DOCK7: variants seen among roughly 807,000 people sequenced by gnomAD.
DOCK7 encodes the protein dedicator of cytokinesis protein 7.
DOCK7 carries 138 observed loss-of-function variants against 271.0 expected under a neutral mutation model. That is an observed-to-expected ratio of 0.51 (90% CI 0.44 to 0.59). DOCK7 has a LOEUF of 0.59. Among genes scored for constraint, DOCK7 ranks in the 20% least tolerant of loss-of-function variants. DOCK7 has a pLI of 0.00. For missense variants in DOCK7, 2,066 were observed against 2,592.4 expected (o/e 0.80, Z 4.41); for synonymous variants, 823 against 876.1 (o/e 0.94, Z 1.07).
intron 2 of DOCK7, among the ~76,000 whole-genome samples, chr1:62,658,070 T>A (rs542693030): frequency 6.8e-6 from 1 of 147,366 alleles, no homozygotes; most frequent in Non-Finnish European, 1.5e-5. Context: ...CTCAAGAAGC[T>A]AAGCAAACCT....
chr1:62,507,267 A>G (rs899770721), intron 35 of DOCK7, among the ~76,000 whole-genome samples: 7 of 152,168 alleles, frequency 4.6e-5, no homozygotes, highest in African/African-American at 1.4e-4. Flanking sequence ...AATAGGTGAG[A>G]GATATATTTA....
chr1:62,573,812 C>T (rs1448986142), intron 18 of DOCK7, among the ~76,000 whole-genome samples: 1 of 151,930 alleles, frequency 6.6e-6, no homozygotes, highest in East Asian at 1.9e-4. Flanking sequence ...GGTTCTTGTT[C>T]AGTCACCCAG....
chr1:62,578,645 C>G lies in DOCK7; in HGVS notation c.2010+183G>C, dbSNP rs1332478163. Among the ~76,000 whole-genome samples the G allele has an allele frequency of 2.7e-5, 4 of 147,102 alleles. No homozygotes were observed. In the Admixed American group the frequency reaches 2.8e-4, roughly 10 times the overall value. ...GCTGAGGCAGGAAAACTGCTTGAACCCAGGAAACGGAGGTTGCAGTGAGCC... is the reference window on the plus strand; with the variant it reads ...GCTGAGGCAGGAAAACTGCTTGAACGCAGGAAACGGAGGTTGCAGTGAGCC... On this transcript the variant is annotated intron_variant, in intron 17 of 49. Transcript: ENST00000635253.
At chr1:62,653,160 T>C (rs765394021) in intron 4 of DOCK7, among the ~76,000 whole-genome samples, 2 of 152,224 alleles carry the variant, frequency 1.3e-5, no homozygotes, top group African/African-American at 2.4e-5. Flanking sequence ...CAAATGATTA[T>C]TGTGTAAATC....
chr1:62,581,069 C>T (rs1647103270), intron 16 of DOCK7, among the ~76,000 whole-genome samples: 2 of 152,018 alleles, frequency 1.3e-5, no homozygotes, highest in African/African-American at 4.8e-5. Flanking sequence ...ACCATCCAGT[C>T]CTTTGTAGAA....
rs1644560534 is a variant in DOCK7, at chr1:62,513,453, A to G, written c.4273T>C (p.Ser1425Pro). Reference sequence around the variant, plus strand: ...TTGAAGAAATTCTCACCAGGAGGAGAAGCTATTGTGTACGTACCGAGCTGT... The same window carrying G: ...TTGAAGAAATTCTCACCAGGAGGAGGAGCTATTGTGTACGTACCGAGCTGT... ...RGQLGTYTIASPPERSPSGSA... is the reference protein window; with the variant it reads ...RGQLGTYTIAPPPERSPSGSA... The change falls in exon 33 of 50, where the codon TCT becomes CCT. Residue 1425 changes from serine (S) to proline (P), a missense_variant. By Grantham distance (74) the Ser-to-Pro change is moderately conservative. This residue lies in a region of DOCK7 where 652 missense variants were observed against 922.1 expected (regional missense o/e 0.71). Coordinates refer to ENST00000635253, the MANE Select transcript of DOCK7 (RefSeq NM_001367561.1). The G allele has an allele frequency of 1.9e-6, 3 of 1,590,444 alleles. No homozygotes were observed. Among genetic ancestry groups the G allele is most frequent in the Non-Finnish European group, 2.6e-6 (3 of 1,173,828 alleles).
intron 37 of DOCK7, among the ~76,000 whole-genome samples, chr1:62,501,396 T>C (rs2149313945): frequency 6.6e-6 from 1 of 152,200 alleles, no homozygotes; most frequent in African/African-American, 2.4e-5. Flanking sequence ...TACTTAACTA[T>C]CTACAGTAGA....
chr1:62,605,309 A>G (rs1650827127), intron 14 of DOCK7: 1 of 152,674 alleles, frequency 6.5e-6, no homozygotes, highest in South Asian at 2.1e-4. Context: ...GAGTATGTGT[A>G]AAAATCTGTA....
chr1:62,665,311 C>CTA (rs1441061258), intron 1 of DOCK7, among the ~76,000 whole-genome samples: 2 of 152,010 alleles, frequency 1.3e-5, no homozygotes, highest in African/African-American at 4.8e-5. Flanking sequence ...TTAATGAAGC[C>CTA]TATATAATGT....
At chr1:62,669,913 G>A (rs1383118755) in intron 1 of DOCK7, among the ~76,000 whole-genome samples, 1 of 152,256 alleles carries the variant, frequency 6.6e-6, no homozygotes, top group Non-Finnish European at 1.5e-5. Flanking sequence ...GGGAACCGGG[G>A]CTGTGTGCGG....
At chr1:62,525,133 G>A (rs905692237) in intron 31 of DOCK7, among the ~76,000 whole-genome samples, 1 of 151,006 alleles carries the variant, frequency 6.6e-6, no homozygotes, top group Non-Finnish European at 1.5e-5. Flanking sequence ...AGCCTCCTGA[G>A]TAGCTGGGAT....
At chr1:62,679,473 G>C (rs1660873719) in intron 1 of DOCK7, among the ~76,000 whole-genome samples, 1 of 151,986 alleles carries the variant, frequency 6.6e-6, no homozygotes, top group African/African-American at 2.4e-5. Flanking sequence ...ATGGAGGAGG[G>C]GGATAACAGC....
At chr1:62,650,010 G>A (rs946669314) in intron 4 of DOCK7, among the ~76,000 whole-genome samples, 2 of 152,152 alleles carry the variant, frequency 1.3e-5, no homozygotes, top group African/African-American at 4.8e-5. Context: ...AACACTTGGG[G>A]AGGCTGAAGT....
intron 43 of DOCK7, among the ~76,000 whole-genome samples, chr1:62,480,325 T>G (rs115652451): frequency 0.014 from 2,112 of 152,326 alleles, 57 homozygotes; most frequent in African/African-American, 0.048. Context: ...TATTATATTT[T>G]CTCATGACAT....
intron 37 of DOCK7, among the ~76,000 whole-genome samples, chr1:62,503,885 A>G (rs1646861472): frequency 6.6e-6 from 1 of 152,060 alleles, no homozygotes; most frequent in Non-Finnish European, 1.5e-5. Flanking sequence ...GTCTCTACTA[A>G]AAGTACAAAA....
At chr1:62,552,089 C>T (rs981705609) in intron 22 of DOCK7, among the ~76,000 whole-genome samples, 7 of 151,964 alleles carry the variant, frequency 4.6e-5, no homozygotes, top group Admixed American at 3.3e-4. Context: ...AAGACCTATG[C>T]AGTATATAAA....
At chr1:62,473,484 G>T (rs2149255474) in intron 48 of DOCK7, among the ~76,000 whole-genome samples, 1 of 152,230 alleles carries the variant, frequency 6.6e-6, no homozygotes, top group South Asian at 2.1e-4. Context: ...TATAGAGTAT[G>T]GTAGGGTTGT....
chr1:62,519,344 A>G (rs1263571573), intron 31 of DOCK7, among the ~76,000 whole-genome samples: 4 of 152,190 alleles, frequency 2.6e-5, no homozygotes, highest in African/African-American at 9.6e-5. Flanking sequence ...ATTTACAAAA[A>G]CTGACCATAT....
intron 12 of DOCK7, among the ~76,000 whole-genome samples, chr1:62,620,456 A>G (rs375828441): frequency 2.8e-4 from 43 of 152,112 alleles, no homozygotes; most frequent in Admixed American, 2.4e-3. Flanking sequence ...TAAATATCAT[A>G]CCAGTTTATT....
Sources: allele counts gnomAD v4.1 joint callset (sites outside exome capture counted in the v4.1 genomes callset), GRCh38; gene constraint gnomAD v4.1.1; regional missense constraint gnomAD v4.1.1; transcripts MANE v1.5; gene names NCBI Gene and HGNC (gene_info 2026-07-23, HGNC 2026-07-21).